Variants in AUTS2 observed in about 807,000 individuals in gnomAD.
AUTS2 encodes autism susceptibility gene 2 protein.
A neutral mutation model predicts 112.4 loss-of-function variants in AUTS2; 17 were observed. The observed-to-expected ratio is 0.15, with a 90% CI of 0.10 to 0.23. The LOEUF (loss-of-function observed/expected upper bound fraction) is 0.23. Among genes scored for constraint, AUTS2 ranks in the 10% least tolerant of loss-of-function variants. AUTS2 has a pLI of 1.00. For synonymous variants in AUTS2, 751 were observed against 702.7 expected, an observed-to-expected ratio of 1.07 and a Z score of -1.09; for missense variants, 1,510 against 1,701.6, an observed-to-expected ratio of 0.89 and a Z score of 1.98.
chr7:70,269,913 C>T (rs1787607557), intron 4 of AUTS2, among the ~76,000 whole-genome samples: 1 of 152,100 alleles, frequency 6.6e-6, no homozygotes, highest in South Asian at 2.1e-4. Context: ...GCAGCTTGTT[C>T]CTATAATTCC....
At chr7:70,500,725 AT>A (rs145102247) in intron 5 of AUTS2, among the ~76,000 whole-genome samples, 195 of 145,012 alleles carry the variant, frequency 1.3e-3, no homozygotes, top group Admixed American at 1.2e-3. Context: ...CAAATTGATA[AT>A]TTTTTTTTTT....
chr7:70,702,000 C>T (rs1353420846), intron 6 of AUTS2, among the ~76,000 whole-genome samples: 11 of 152,220 alleles, frequency 7.2e-5, no homozygotes, highest in Non-Finnish European at 1.5e-4. Context: ...AAGGAACTTT[C>T]AGTCTATTCA....
chr7:69,838,884 G>A (rs1311296294), intron 1 of AUTS2, among the ~76,000 whole-genome samples: 2 of 152,152 alleles, frequency 1.3e-5, no homozygotes, highest in African/African-American at 2.4e-5. Context: ...AAGACTCACA[G>A]TAGGGATATG....
intron 5 of AUTS2, among the ~76,000 whole-genome samples, chr7:70,500,593 T>C (rs1240052401): frequency 6.6e-6 from 1 of 152,188 alleles, no homozygotes; most frequent in Admixed American, 6.5e-5. Flanking sequence ...TTGGAAGCCG[T>C]GGGCCTTTCT....
At chr7:69,783,237 C>T (rs1290648447) in intron 1 of AUTS2, among the ~76,000 whole-genome samples, 1 of 151,918 alleles carries the variant, frequency 6.6e-6, no homozygotes, top group African/African-American at 2.4e-5. Flanking sequence ...ACTTGTCATC[C>T]TTTGGAGATT....
At chr7:69,757,812 TATTC>T (rs1455153728) in intron 1 of AUTS2, among the ~76,000 whole-genome samples, 6 of 152,230 alleles carry the variant, frequency 3.9e-5, no homozygotes, top group African/African-American at 1.4e-4. Context: ...AGGACAGTGA[TATTC>T]ATTCATTCAT....
chr7:70,326,238 T>C (rs940669484), intron 4 of AUTS2, among the ~76,000 whole-genome samples: 3 of 152,180 alleles, frequency 2.0e-5, no homozygotes, highest in South Asian at 2.1e-4. Context: ...TCCTCTCCCA[T>C]AGGCCTTTTC....
chr7:69,744,774 GA>G (rs1562853326), intron 1 of AUTS2, among the ~76,000 whole-genome samples: 1 of 152,166 alleles, frequency 6.6e-6, no homozygotes, highest in Non-Finnish European at 1.5e-5. Flanking sequence ...AGGCTGCAGT[GA>G]GCTATAATCA....
intron 2 of AUTS2, among the ~76,000 whole-genome samples, chr7:69,951,591 CTGTT>C (rs551982658): frequency 7.2e-4 from 109 of 152,268 alleles, no homozygotes; most frequent in African/African-American, 2.5e-3. Context: ...TTAGCTAAGG[CTGTT>C]TGAGAAACAG....
intron 2 of AUTS2, among the ~76,000 whole-genome samples, chr7:70,084,673 A>G (rs998433782): frequency 6.6e-6 from 1 of 152,104 alleles, no homozygotes; most frequent in African/African-American, 2.4e-5. Flanking sequence ...TCATCTGTAT[A>G]TCTTTTTTGG....
intron 1 of AUTS2, among the ~76,000 whole-genome samples, chr7:69,787,007 A>G (rs1337471547): frequency 6.6e-6 from 1 of 152,246 alleles, no homozygotes; most frequent in Non-Finnish European, 1.5e-5. Context: ...TTTATAGGCA[A>G]GTAAACTGAA....
chr7:70,613,241 CTGTG>C (rs71077668), intron 5 of AUTS2, among the ~76,000 whole-genome samples: 72,474 of 147,550 alleles, frequency 0.49, 18,299 homozygotes, highest in African/African-American at 0.6. Context: ...GTGTGTGTGT[CTGTG>C]TGTGTGTGTG....
rs145140517 is a variant in AUTS2 at position 69,871,808 on chromosome 7, A to G, written c.310-27478A>G. Among the ~76,000 whole-genome samples the G allele has an allele frequency of 3.2e-3, 484 of 152,292 alleles. 3 individuals carry two copies. Among genetic ancestry groups the G allele is most frequent in the Middle Eastern group, 0.01 (3 of 294 alleles). On this transcript the variant is annotated intron_variant, in intron 1 of 18. Transcript: ENST00000342771. ...TCATAATGCCTCAAAATTTAAAACTATGAGTTGCTTATTTCTGGAATTTTT... is the reference window on the plus strand; with the variant it reads ...TCATAATGCCTCAAAATTTAAAACTGTGAGTTGCTTATTTCTGGAATTTTT...
chr7:69,625,860 G>T (rs1353208859), intron 1 of AUTS2, among the ~76,000 whole-genome samples: 1 of 151,718 alleles, frequency 6.6e-6, no homozygotes, highest in Non-Finnish European at 1.5e-5. Flanking sequence ...CTGTCTCAAA[G>T]AAGAAAAGAA....
At chr7:69,746,496 C>T (rs1787501392) in intron 1 of AUTS2, among the ~76,000 whole-genome samples, 1 of 152,078 alleles carries the variant, frequency 6.6e-6, no homozygotes, top group African/African-American at 2.4e-5. Flanking sequence ...TCAGGAAAGA[C>T]CTCTCTAAGG....
chr7:69,650,447 G>T (rs1186022003), intron 1 of AUTS2, among the ~76,000 whole-genome samples: 2 of 152,134 alleles, frequency 1.3e-5, no homozygotes, highest in African/African-American at 4.8e-5. Flanking sequence ...TTAGCAGTAG[G>T]ATTCCTGGCC....
chr7:70,008,145 A>G (rs1799630712), intron 2 of AUTS2, among the ~76,000 whole-genome samples: 1 of 152,158 alleles, frequency 6.6e-6, no homozygotes, highest in African/African-American at 2.4e-5. Context: ...TCCTTCTGTT[A>G]ACTTGCTTCC....
intron 4 of AUTS2, among the ~76,000 whole-genome samples, chr7:70,210,267 G>A (rs571136108): frequency 2.6e-5 from 4 of 152,222 alleles, no homozygotes; most frequent in East Asian, 3.9e-4. Flanking sequence ...TTCTCCTCAC[G>A]ATTAGCATCT....
chr7:70,752,328 T>C lies in AUTS2; in HGVS notation c.743-10542T>C, dbSNP rs1788919827. Among the ~76,000 whole-genome samples, 7 of 152,192 alleles carry C rather than the reference T, an allele frequency of 4.6e-5. No individual in the cohort carries two copies. The South Asian group carries it at 1.4e-3, about 31-fold the overall frequency. On this transcript the variant is annotated intron_variant, in intron 6 of 18. Coordinates refer to ENST00000342771, the MANE Select transcript of AUTS2 (RefSeq NM_015570.4). The stretch of plus-strand genomic sequence containing the variant: ...GAAACCAATATTTGGAGTTTTCCTG[T>C]GTTCTTGGAAGTGACTGGAGATTGC...
Sources: allele counts gnomAD v4.1 joint callset (sites outside exome capture counted in the v4.1 genomes callset), GRCh38; gene constraint gnomAD v4.1.1; transcripts MANE v1.5; gene names NCBI Gene and HGNC (gene_info 2026-07-23, HGNC 2026-07-21).